NDST4: variants seen among roughly 807,000 people sequenced by gnomAD.
NDST4 encodes N-heparan sulfate sulfotransferase 4.
In NDST4, 63 loss-of-function variants were observed where a neutral mutation model predicts 100.8. The ratio of observed to expected loss-of-function variants is 0.62; its 90% CI spans 0.51 to 0.77. The LOEUF is 0.77. Among genes scored for constraint, NDST4 ranks in the 30% least tolerant of loss-of-function variants. NDST4 has a pLI of 0.00. For missense variants in NDST4, 943 were observed against 1,018.4 expected (o/e 0.93, Z 1.01); for synonymous variants, 377 against 361.8 (o/e 1.04, Z -0.48).
At chr4:114,969,695 C>T (rs1167139061) in intron 4 of NDST4, among the ~76,000 whole-genome samples, 1 of 152,176 alleles carries the variant, frequency 6.6e-6, no homozygotes, top group Non-Finnish European at 1.5e-5. Context: ...ATATGGACCA[C>T]ATTTTCTTTA....
intron 4 of NDST4, among the ~76,000 whole-genome samples, chr4:114,946,773 C>T (rs190458424): frequency 2.6e-5 from 4 of 152,238 alleles, no homozygotes; most frequent in East Asian, 1.9e-4. Context: ...CTGTGCAATG[C>T]GGCAACACTG....
intron 2 of NDST4, among the ~76,000 whole-genome samples, chr4:115,066,970 G>C (rs138037296): frequency 1.3e-5 from 2 of 152,176 alleles, no homozygotes; most frequent in Non-Finnish European, 2.9e-5. Flanking sequence ...AGCCACTGCT[G>C]TCTATGCCAT....
chr4:114,984,903 A>G (rs1396083414), intron 2 of NDST4, among the ~76,000 whole-genome samples: 1 of 152,198 alleles, frequency 6.6e-6, no homozygotes, highest in East Asian at 1.9e-4. Flanking sequence ...TGCATTTTAT[A>G]GCTCTACCTT....
rs1483306580 is a variant in NDST4, at chr4:114,929,133, T to C, written c.1536+6073A>G. Among the ~76,000 whole-genome samples, 12 of 150,934 alleles carry C rather than the reference T, an allele frequency of 8.0e-5. No homozygotes were observed. The South Asian group carries it at 2.3e-3, about 29-fold the overall frequency. Reference sequence around the variant, plus strand: ...CCATCCATCTATCTATCTATCTATCTATCTATCTATCTATCTATCTATCTA... The same window carrying C: ...CCATCCATCTATCTATCTATCTATCCATCTATCTATCTATCTATCTATCTA... On this transcript the variant is annotated intron_variant, in intron 6 of 13. Coordinates refer to ENST00000264363, the MANE Select transcript of NDST4 (RefSeq NM_022569.3).
At chr4:114,893,598 T>C (rs1025247950) in intron 6 of NDST4, among the ~76,000 whole-genome samples, 3 of 152,156 alleles carry the variant, frequency 2.0e-5, no homozygotes, top group Non-Finnish European at 4.4e-5. Flanking sequence ...GTTTTTTTTT[T>C]CTTGTAAATG....
intron 2 of NDST4, among the ~76,000 whole-genome samples, chr4:115,015,763 G>T (rs980877483): frequency 2.6e-5 from 4 of 152,016 alleles, no homozygotes; most frequent in Admixed American, 2.6e-4. Context: ...GGCCATGGTG[G>T]CAGGAATAAA....
At chr4:115,014,568 T>C (rs1379543417) in intron 2 of NDST4, among the ~76,000 whole-genome samples, 1 of 152,040 alleles carries the variant, frequency 6.6e-6, no homozygotes, top group African/African-American at 2.4e-5. Flanking sequence ...TGAGATTTTT[T>C]AGTAGGGTTC....
chr4:115,098,306 G>T (rs961620044), intron 1 of NDST4, among the ~76,000 whole-genome samples: 1 of 152,084 alleles, frequency 6.6e-6, no homozygotes, highest in Non-Finnish European at 1.5e-5. Context: ...TTTAAAATTG[G>T]ACAACTATTG....
intron 2 of NDST4, among the ~76,000 whole-genome samples, chr4:115,057,090 G>A (rs906608280): frequency 3.9e-5 from 6 of 152,028 alleles, no homozygotes; most frequent in Admixed American, 2.6e-4. Flanking sequence ...TAAGTAATTC[G>A]ACATTATATA....
chr4:114,827,957 C>T (rs758063407), intron 13 of NDST4, 22 bp from the exon 14 acceptor site: 4 of 1,576,504 alleles, frequency 2.5e-6, no homozygotes, highest in Non-Finnish European at 2.6e-6. Flanking sequence ...AAAAGAAGAA[C>T]TTGAAAGAAG....
At chr4:114,865,442 G>C (rs192263238) in intron 7 of NDST4, among the ~76,000 whole-genome samples, 609 of 152,134 alleles carry the variant, frequency 4.0e-3, no homozygotes, top group Non-Finnish European at 6.5e-3. Flanking sequence ...TGAATATCCT[G>C]GCAGGGAAAA....
At chr4:115,070,764 A>C (rs1198616308) in intron 2 of NDST4, among the ~76,000 whole-genome samples, 22 of 152,176 alleles carry the variant, frequency 1.4e-4, no homozygotes, top group Non-Finnish European at 1.5e-5. Context: ...GCTTAGGCCA[A>C]TTATATCTAA....
rs568302695 is a variant in NDST4 at position 114,911,713 on chromosome 4, A to AT, written c.1536+23492dup. Among the ~76,000 whole-genome samples, 76 of 152,248 alleles carry AT rather than the reference A, an allele frequency of 5.0e-4. No homozygotes were observed. The East Asian group carries it at 0.014, about 29-fold the overall frequency. The stretch of plus-strand genomic sequence containing the variant: ...CATGAAAATATCGCGGGTATTGGGT[A>AT]TTTTTTCCTTTAAAACCTCAAAATA... On this transcript the variant is annotated intron_variant, in intron 6 of 13. Transcript: ENST00000264363.
At chr4:114,967,873 T>C (rs1048952503) in intron 4 of NDST4, among the ~76,000 whole-genome samples, 3 of 152,192 alleles carry the variant, frequency 2.0e-5, no homozygotes, top group East Asian at 1.9e-4. Context: ...ATTAACACTA[T>C]TGAATGCTTA....
At chr4:115,092,717 A>G (rs913907535) in intron 1 of NDST4, among the ~76,000 whole-genome samples, 6 of 152,178 alleles carry the variant, frequency 3.9e-5, no homozygotes, top group African/African-American at 1.4e-4. Flanking sequence ...GAATATACCT[A>G]TCTATGCATA....
intron 4 of NDST4, among the ~76,000 whole-genome samples, chr4:114,939,268 C>T (rs971921759): frequency 2.6e-5 from 4 of 152,116 alleles, no homozygotes; most frequent in Admixed American, 6.5e-5. Context: ...TAGAGACAAG[C>T]GTGTCCAGAC....
intron 2 of NDST4, among the ~76,000 whole-genome samples, chr4:114,988,512 C>A (rs1726963828): frequency 1.3e-5 from 2 of 151,592 alleles, no homozygotes; most frequent in South Asian, 4.2e-4. Context: ...CAGGCGCCCG[C>A]CACCACGCCT....
chr4:114,842,557 C>T (rs539142034), intron 10 of NDST4: 11 of 170,490 alleles, frequency 6.5e-5, no homozygotes, highest in Non-Finnish European at 1.2e-4. Flanking sequence ...TTTGGGAGGC[C>T]GAGGCAGGCG....
chr4:115,037,518 A>G (rs1728259095), intron 2 of NDST4, among the ~76,000 whole-genome samples: 1 of 152,074 alleles, frequency 6.6e-6, no homozygotes, highest in Non-Finnish European at 1.5e-5. Flanking sequence ...AAATTTTAAA[A>G]TTATTCTTAT....
Sources: gnomAD v4.1 joint callset for allele counts (sites outside exome capture counted in the v4.1 genomes callset) on GRCh38, gnomAD v4.1.1 for gene constraint, MANE v1.5 for transcripts, NCBI Gene and HGNC (gene_info 2026-07-23, HGNC 2026-07-21) for gene names.